Variants in TUNAR observed in about 807,000 individuals in gnomAD.
The protein encoded by TUNAR is protein TUNAR.
chr14:95,917,951 T>C (rs1889632749), intron 2 of TUNAR, among the ~76,000 whole-genome samples: 1 of 152,164 alleles, frequency 6.6e-6, no homozygotes, highest in Non-Finnish European at 1.5e-5. Flanking sequence ...TTTACTGTTA[T>C]CAGCCAATCC....
chr14:95,919,458 C>T (rs908624295), intron 2 of TUNAR, among the ~76,000 whole-genome samples: 9 of 152,188 alleles, frequency 5.9e-5, no homozygotes, highest in African/African-American at 2.2e-4. Flanking sequence ...CTTATGATCC[C>T]AGCACTTAGG....
intron 2 of TUNAR, among the ~76,000 whole-genome samples, chr14:95,888,728 G>A (rs980406053): frequency 3.9e-5 from 6 of 152,120 alleles, no homozygotes; most frequent in African/African-American, 1.2e-4. Flanking sequence ...TTTGGTGATC[G>A]AGCCTCAGAA....
intron 2 of TUNAR, among the ~76,000 whole-genome samples, chr14:95,879,914 G>C (rs1463076473): frequency 2.6e-5 from 4 of 152,214 alleles, no homozygotes; most frequent in African/African-American, 9.6e-5. Context: ...CATGATTGCA[G>C]CTGCCACACT....
At chr14:95,912,963 T>C (rs1595124663) in intron 2 of TUNAR, among the ~76,000 whole-genome samples, 1 of 152,016 alleles carries the variant, frequency 6.6e-6, no homozygotes. Context: ...GCTAATTCTC[T>C]TGTATTTTTA....
chr14:95,894,374 T>A (rs1889225614), intron 2 of TUNAR, among the ~76,000 whole-genome samples: 1 of 152,160 alleles, frequency 6.6e-6, no homozygotes, highest in Non-Finnish European at 1.5e-5. Context: ...TTAGACAAAT[T>A]AGACAGTCAT....
intron 2 of TUNAR, among the ~76,000 whole-genome samples, chr14:95,918,496 T>G (rs1352193754): frequency 6.6e-6 from 1 of 152,184 alleles, no homozygotes; most frequent in Non-Finnish European, 1.5e-5. Flanking sequence ...GTAACTCCCC[T>G]GGGAATCAAG....
intron 2 of TUNAR, among the ~76,000 whole-genome samples, chr14:95,898,521 CT>C (rs1472862230): frequency 6.6e-6 from 1 of 152,236 alleles, no homozygotes; most frequent in African/African-American, 2.4e-5. Context: ...GCTCTAAAAT[CT>C]TCCAGAAAGG....
At chr14:95,893,847 C>G (rs1308252178) in intron 2 of TUNAR, among the ~76,000 whole-genome samples, 3 of 152,236 alleles carry the variant, frequency 2.0e-5, no homozygotes, top group African/African-American at 7.2e-5. Flanking sequence ...TTAAGGTTCA[C>G]CACCAGCTCC....
Position 95,903,507 on chromosome 14 carries a change from G to C in TUNAR, c.13-19274G>C, listed in dbSNP as rs76197537. On this transcript the variant is annotated intron_variant, in intron 2 of 2. Coordinates refer to ENST00000678517, the Ensembl canonical transcript of TUNAR. ...ATCACAAATGAGCATTGTTCTGCTC[G>C]CAGAGTTCTTGCTCAGTTACCTGTG... Among the ~76,000 whole-genome samples, 23 of 152,292 alleles carry C rather than the reference G, an allele frequency of 1.5e-4. No individual in the cohort carries two copies. The East Asian group carries it at 3.9e-3, about 26-fold the overall frequency.
intron 2 of TUNAR, among the ~76,000 whole-genome samples, chr14:95,881,047 A>G (rs971355281): frequency 1.3e-5 from 2 of 152,178 alleles, no homozygotes; most frequent in Non-Finnish European, 2.9e-5. Context: ...GCTGGACCTC[A>G]TTTCCACTGC....
chr14:95,913,142 C>CTTTTTT (rs58500125), intron 2 of TUNAR, among the ~76,000 whole-genome samples: 1,866 of 136,390 alleles, frequency 0.014, 56 homozygotes, highest in African/African-American at 0.05. Context: ...ATTTTCTTTC[C>CTTTTTT]TTTTTTTTTT....
intron 2 of TUNAR, among the ~76,000 whole-genome samples, chr14:95,908,664 C>G (rs533670208): frequency 6.6e-6 from 1 of 152,204 alleles, no homozygotes; most frequent in Non-Finnish European, 1.5e-5. Context: ...TCACAAGAGT[C>G]TCAAAATCAG....
intron 2 of TUNAR, among the ~76,000 whole-genome samples, chr14:95,917,050 T>G (rs1027012452): frequency 2.6e-5 from 4 of 152,242 alleles, no homozygotes; most frequent in African/African-American, 9.6e-5. Context: ...TTTATTTTTT[T>G]GATAAACAGA....
chr14:95,912,781 T>A (rs1016901095), intron 2 of TUNAR, among the ~76,000 whole-genome samples: 2 of 152,172 alleles, frequency 1.3e-5, no homozygotes, highest in African/African-American at 4.8e-5. Context: ...GTGGGCATCT[T>A]CCTTTTTTTC....
At chr14:95,897,977 C>T (rs923640001) in intron 2 of TUNAR, among the ~76,000 whole-genome samples, 1 of 152,074 alleles carries the variant, frequency 6.6e-6, no homozygotes, top group Non-Finnish European at 1.5e-5. Context: ...GAGCTAACCC[C>T]TCTCAGGATG....
At chr14:95,917,465 T>C (rs1889623873) in intron 2 of TUNAR, among the ~76,000 whole-genome samples, 1 of 152,228 alleles carries the variant, frequency 6.6e-6, no homozygotes, top group South Asian at 2.1e-4. Context: ...TCTTGGCTGT[T>C]ATTATCCATT....
chr14:95,899,233 T>G (rs1286409508), intron 2 of TUNAR, among the ~76,000 whole-genome samples: 3 of 152,184 alleles, frequency 2.0e-5, no homozygotes, highest in African/African-American at 7.2e-5. Context: ...CAGGAGACCA[T>G]GCAGCCACAT....
At chr14:95,877,595 T>C (rs1405378703) in intron 2 of TUNAR, among the ~76,000 whole-genome samples, 2 of 152,190 alleles carry the variant, frequency 1.3e-5, no homozygotes, top group African/African-American at 4.8e-5. Context: ...TTAGAGAGGT[T>C]GAATGACTTA....
chr14:95,887,457 G>A (rs1889096821), intron 2 of TUNAR, among the ~76,000 whole-genome samples: 1 of 152,220 alleles, frequency 6.6e-6, no homozygotes, highest in Non-Finnish European at 1.5e-5. Flanking sequence ...AGAAGCTGAT[G>A]ACAGCTCTGC....
Sources: allele counts gnomAD v4.1 joint callset (sites outside exome capture counted in the v4.1 genomes callset), GRCh38; gene constraint gnomAD v4.1.1; transcripts MANE v1.5; gene names NCBI Gene and HGNC (gene_info 2026-07-23, HGNC 2026-07-21).